The following NR2C2 variants were observed in gnomAD, a reference collection of about 807,000 sequenced individuals.
NR2C2 encodes nuclear receptor subfamily 2 group C member 2.
NR2C2 carries 6 observed loss-of-function variants against 62.9 expected under a neutral mutation model. That is an observed-to-expected ratio of 0.10 (90% CI 0.05 to 0.19). The LOEUF (loss-of-function observed/expected upper bound fraction) is 0.19. NR2C2 is among the 10% of genes least tolerant of loss of function. The pLI is 1.00. For synonymous variants in NR2C2, 272 were observed against 273.8 expected (o/e 0.99, Z 0.07); for missense variants, 479 against 762.7 (o/e 0.63, Z 4.38).
At chr3:14,969,199 A>G (rs1005511231) in intron 1 of NR2C2, among the ~76,000 whole-genome samples, 3 of 151,768 alleles carry the variant, frequency 2.0e-5, no homozygotes, top group Non-Finnish European at 4.4e-5. Flanking sequence ...AAGCAGACAT[A>G]TAGATACATA....
At chr3:15,024,517 T>C (rs1255733557) in intron 7 of NR2C2, among the ~76,000 whole-genome samples, 1 of 152,244 alleles carries the variant, frequency 6.6e-6, no homozygotes, top group Admixed American at 6.5e-5. Flanking sequence ...GGCAAACTAC[T>C]AGCCAAGGAA....
intron 1 of NR2C2, among the ~76,000 whole-genome samples, chr3:14,960,545 A>G (rs1377573648): frequency 6.6e-6 from 1 of 152,224 alleles, no homozygotes; most frequent in African/African-American, 2.4e-5. Context: ...CACCTCTTTT[A>G]GGGAACCCAA....
At chr3:14,948,666 G>C (rs1161126657) in intron 1 of NR2C2, 2 of 152,948 alleles carry the variant, frequency 1.3e-5, no homozygotes, top group Non-Finnish European at 2.9e-5. Context: ...GTCAGCAGGT[G>C]GGCTGCTTCC....
intron 13 of NR2C2, among the ~76,000 whole-genome samples, chr3:15,039,830 G>A (rs2042203302): frequency 1.3e-5 from 2 of 152,168 alleles, no homozygotes; most frequent in Admixed American, 1.3e-4. Context: ...GGTATTATTT[G>A]TAATTAATGT....
chr3:14,948,298 C>G (rs2039203807), intron 1 of NR2C2: 1 of 152,504 alleles, frequency 6.6e-6, no homozygotes, highest in Non-Finnish European at 1.5e-5. Context: ...CCTTCTCTGC[C>G]GGGATTTTCA....
At chr3:15,012,242 T>C (rs75917433) in intron 2 of NR2C2, among the ~76,000 whole-genome samples, 1 of 152,058 alleles carries the variant, frequency 6.6e-6, no homozygotes, top group Admixed American at 6.6e-5. Context: ...TTTTTTTTTT[T>C]GGAGACGGAG....
intron 8 of NR2C2, among the ~76,000 whole-genome samples, chr3:15,029,792 A>AATAC (rs55834583): frequency 0.12 from 16,230 of 139,258 alleles, 1,003 homozygotes; most frequent in Middle Eastern, 0.15. Flanking sequence ...GTAAATAAAT[A>AATAC]ATAGATAGAT....
rs938216226 is a variant in NR2C2 at position 15,046,261 on chromosome 3, C to CA, written c.*3255dup. ...CACTTCTAAGATGTGTAATTGCCCT[C>CA]AAGAGGGACTGATTTTTAGCTTGTC... On this transcript the variant is annotated 3_prime_UTR_variant, in exon 14 of 14. Transcript: ENST00000425241. 1.3e-5 allele frequency: 2 copies of CA among 152,122 alleles called. No individual in the cohort carries two copies. The highest frequency in any genetic ancestry group is 4.8e-5 in the African/African-American group (2 of 41,406). 9.4% of individuals were successfully genotyped at this position (152,122 alleles called of 1,614,324 possible). A position where few individuals can be genotyped will look rare whatever the true frequency, so the allele number is the denominator to read the frequency against.
chr3:14,951,617 G>A (rs1056096266), intron 1 of NR2C2, among the ~76,000 whole-genome samples: 4 of 152,060 alleles, frequency 2.6e-5, no homozygotes, highest in Non-Finnish European at 5.9e-5. Flanking sequence ...GTCTTACATC[G>A]TTAAGTTATT....
chr3:15,040,924 C>T (rs2042242390), intron 13 of NR2C2, among the ~76,000 whole-genome samples: 1 of 152,188 alleles, frequency 6.6e-6, no homozygotes, highest in African/African-American at 2.4e-5. Flanking sequence ...CTGGAAATGG[C>T]CCTCTGGGGC....
intron 1 of NR2C2, among the ~76,000 whole-genome samples, chr3:14,987,002 T>C (rs1252004145): frequency 5.3e-5 from 8 of 152,250 alleles, no homozygotes; most frequent in Non-Finnish European, 1.5e-5. Context: ...TAATTATGTT[T>C]CACAGTAGAC....
At chr3:15,021,464 C>T (rs2041666712) in intron 5 of NR2C2, among the ~76,000 whole-genome samples, 2 of 152,152 alleles carry the variant, frequency 1.3e-5, no homozygotes, top group South Asian at 4.1e-4. Context: ...GTGGGGCAGC[C>T]AGGGAAGGTC....
At position 14,947,626 on chromosome 3, in the gene NR2C2, G is replaced by GCGGCAC. The variant is rs1275293572; in HGVS notation, c.-316_-311dup. On this transcript the variant is annotated 5_prime_UTR_variant, in exon 1 of 14. Transcript: ENST00000425241. ...TACCAGCGCGCGGGCGGCGGCGGCG[G>GCGGCAC]CGGCACCGGGGTCACGAACTCTGAC... 2 of 153,006 alleles carry GCGGCAC rather than the reference G, an allele frequency of 1.3e-5. No individual in the cohort carries two copies. The highest frequency in any genetic ancestry group is 2.9e-5 in the Non-Finnish European group (2 of 69,350). 9.5% of individuals were successfully genotyped at this position (153,006 alleles called of 1,614,324 possible).
At chr3:15,008,128 G>C (rs1487479467) in intron 2 of NR2C2, among the ~76,000 whole-genome samples, 1 of 152,078 alleles carries the variant, frequency 6.6e-6, no homozygotes, top group African/African-American at 2.4e-5. Flanking sequence ...GATGACCTGA[G>C]CTTCCAGTTT....
chr3:14,950,767 A>G (rs1428241072), intron 1 of NR2C2, among the ~76,000 whole-genome samples: 9 of 152,212 alleles, frequency 5.9e-5, no homozygotes, highest in African/African-American at 1.9e-4. Context: ...AGCACTTAGA[A>G]GAGTGCCTGG....
intron 1 of NR2C2, among the ~76,000 whole-genome samples, chr3:14,970,515 C>T (rs1246163883): frequency 6.6e-6 from 1 of 152,108 alleles, no homozygotes; most frequent in African/African-American, 2.4e-5. Flanking sequence ...CTTTGGCAAC[C>T]ACCATTCTTT....
At chr3:15,039,095 T>TG (rs10663366) in intron 12 of NR2C2, 27 bp from the exon 13 acceptor site, 21,071 of 1,437,170 alleles carry the variant, frequency 0.015, 295 homozygotes, top group African/African-American at 0.1. Flanking sequence ...CAGAGGGAAC[T>TG]GGGGGGGGGT....
At position 15,003,951 on chromosome 3, in the gene NR2C2, A is replaced by G; in HGVS notation, c.37A>G (p.Thr13Ala). 2 of 1,613,546 alleles carry G rather than the reference A, an allele frequency of 1.2e-6. No individual in the cohort carries two copies. ...CTCCCCACGCATCCAGATAATCTCCACCGACTCTGCTGTAGCCTCACCTCA... is the reference window on the plus strand; with the variant it reads ...CTCCCCACGCATCCAGATAATCTCCGCCGACTCTGCTGTAGCCTCACCTCA... Reference protein sequence around the residue: ...SPSPRIQIISTDSAVASPQRI... With the variant: ...SPSPRIQIISADSAVASPQRI... The change falls in exon 2 of 14, where the codon ACC (threonine) becomes GCC (alanine). Residue 13 changes from threonine to alanine, a missense_variant. Around this residue, in one of 4 missense-constraint regions of NR2C2, gnomAD observed 115 missense variants for 152.3 expected, o/e 0.76. Coordinates refer to ENST00000425241, the MANE Select transcript of NR2C2 (RefSeq NM_001291694.2).
At chr3:15,002,518 A>G (rs781569321) in intron 1 of NR2C2, among the ~76,000 whole-genome samples, 4 of 151,592 alleles carry the variant, frequency 2.6e-5, no homozygotes, top group South Asian at 2.1e-4. Context: ...CATAAGAGAT[A>G]TTGGTCTGTA....
Sources: allele counts gnomAD v4.1 joint callset (sites outside exome capture counted in the v4.1 genomes callset), GRCh38; gene constraint gnomAD v4.1.1; regional missense constraint gnomAD v4.1.1; transcripts MANE v1.5; gene names NCBI Gene and HGNC (gene_info 2026-07-23, HGNC 2026-07-21).